The following TARS3 variants were observed in gnomAD, a reference collection of about 807,000 sequenced individuals.
The protein encoded by TARS3 is threonyl-tRNA synthetase 3.
In TARS3, 94 loss-of-function variants were observed where a neutral mutation model predicts 103.5. That is an observed-to-expected ratio of 0.91 (90% CI 0.77 to 1.08). TARS3 has a LOEUF of 1.08. Among genes scored for constraint, TARS3 ranks in the 50% least tolerant of loss-of-function variants. TARS3 has a pLI of 0.00. For synonymous variants in TARS3, 416 were observed against 355.4 expected (o/e 1.17, Z -1.92); for missense variants, 952 against 995.2 (o/e 0.96, Z 0.58).
At chr15:101,661,880 A>G in intron 15 of TARS3, 64 bp from the exon 16 acceptor site, 1 of 1,017,802 alleles carries the variant, frequency 9.8e-7, no homozygotes, top group Non-Finnish European at 1.4e-6. Flanking sequence ...TTCTAGCCTT[A>G]TATTTAATTT....
chr15:101,678,091 T>C (rs2141399129), intron 12 of TARS3, among the ~76,000 whole-genome samples: 1 of 151,356 alleles, frequency 6.6e-6, no homozygotes, highest in East Asian at 2.0e-4. Flanking sequence ...AGCGATTCTC[T>C]TGCCTCAGCA....
intron 18 of TARS3, 43 bp downstream of exon 18, chr15:101,656,879 G>GGA (rs1299354403): frequency 3.2e-6 from 4 of 1,255,878 alleles, no homozygotes; most frequent in Non-Finnish European, 4.5e-6. Context: ...AATTGAAGTG[G>GGA]GAAAAAAAAG....
At chr15:101,654,849 A>C in intron 18 of TARS3, 119 bp from the exon 19 acceptor site, 1 of 946,248 alleles carries the variant, frequency 1.1e-6, no homozygotes, top group African/African-American at 1.7e-5. Context: ...ATATCATCTA[A>C]TGAGCATTTG....
At chr15:101,678,973 C>T (rs1182964823) in intron 12 of TARS3, among the ~76,000 whole-genome samples, 1 of 152,050 alleles carries the variant, frequency 6.6e-6, no homozygotes, top group Non-Finnish European at 1.5e-5. Flanking sequence ...TCCTTCTGGC[C>T]TCCAGGATTT....
At chr15:101,676,802 C>CTTT (rs76822080) in intron 12 of TARS3, among the ~76,000 whole-genome samples, 3 of 143,478 alleles carry the variant, frequency 2.1e-5, no homozygotes, top group Admixed American at 7.0e-5. Context: ...CCACTACACC[C>CTTT]TTTTTTTTTT....
At chr15:101,688,318 AAT>A (rs1385546064) in intron 10 of TARS3, among the ~76,000 whole-genome samples, 82 of 152,284 alleles carry the variant, frequency 5.4e-4, no homozygotes, top group African/African-American at 1.9e-3. Context: ...TGGGGAGTAA[AAT>A]ATGTCTCATG....
At chr15:101,699,618 T>C (rs1204057879) in intron 10 of TARS3, among the ~76,000 whole-genome samples, 1 of 152,236 alleles carries the variant, frequency 6.6e-6, no homozygotes, top group Non-Finnish European at 1.5e-5. Context: ...AAATCTCTGA[T>C]AATCTTCAGT....
intron 4 of TARS3, among the ~76,000 whole-genome samples, chr15:101,713,069 T>C (rs1899943313): frequency 6.6e-6 from 1 of 152,212 alleles, no homozygotes; most frequent in East Asian, 1.9e-4. Flanking sequence ...GTGCTGGGTA[T>C]ACAATAGTGA....
chr15:101,724,350 G>C lies in TARS3; in HGVS notation c.38C>G (p.Ser13Trp). The change falls in exon 1 of 19, where the codon TCG (serine) becomes TGG (tryptophan). Residue 13 changes from serine to tryptophan, a missense_variant. Ser to Trp is a radical substitution (Grantham distance 177). This residue lies in a region of TARS3 where 412 missense variants were observed against 364.2 expected (regional missense o/e 1.13). Coordinates refer to ENST00000335968, the MANE Select transcript of TARS3 (RefSeq NM_152334.3). Reference protein sequence around the residue: ...AEALAAEAVASRLERQEEDIR... With the variant: ...AEALAAEAVAWRLERQEEDIR... ...GTCCTCCTCCTGCCGCTCCAGGCGC[G>C]ACGCCACGGCCTCCGCCGCCAGGGC... 6.4e-7 allele frequency: 1 copy of C among 1,550,984 alleles called. No homozygotes were observed. Among genetic ancestry groups the C allele is most frequent in the Non-Finnish European group, 8.7e-7 (1 of 1,155,364 alleles).
chr15:101,675,583 C>T lies in TARS3; in HGVS notation c.1788+17G>A. ...ATACGACTAAAATGAAGAGGAAGCA[C>T]AAGGTGTGTCTCTTACCTTCTCAGC... is the stretch of plus-strand genomic sequence containing the variant. On this transcript the variant is annotated intron_variant, in intron 13 of 18. Transcript: ENST00000335968. 2 of 1,606,248 alleles carry T rather than the reference C, an allele frequency of 1.2e-6. No individual in the cohort carries two copies. Among genetic ancestry groups the T allele is most frequent in the South Asian group, 1.1e-5 (1 of 89,108 alleles).
chr15:101,685,875 T>C (rs753054447), intron 11 of TARS3, 21 bp downstream of exon 11: 2 of 1,603,082 alleles, frequency 1.2e-6, no homozygotes, highest in African/African-American at 2.7e-5. Context: ...TGAAAAGGTC[T>C]GCTTCGCTTT....
At chr15:101,720,207 G>A (rs1900377772) in intron 3 of TARS3, among the ~76,000 whole-genome samples, 1 of 152,192 alleles carries the variant, frequency 6.6e-6, no homozygotes, top group Non-Finnish European at 1.5e-5. Flanking sequence ...GAGAATTTCA[G>A]TTGTTGAAAC....
intron 2 of TARS3, among the ~76,000 whole-genome samples, chr15:101,722,642 TAAAAA>T (rs35018220): frequency 5.1e-5 from 3 of 58,754 alleles, no homozygotes; most frequent in African/African-American, 1.6e-4. Flanking sequence ...CCATCTCTAC[TAAAAA>T]AAAAAAAAAA....
intron 10 of TARS3, among the ~76,000 whole-genome samples, chr15:101,697,596 C>T (rs557054861): frequency 4.6e-5 from 7 of 152,232 alleles, no homozygotes; most frequent in Non-Finnish European, 8.8e-5. Context: ...CCTTCTTATC[C>T]TTAGACTGTA....
rs187770485 is a variant in TARS3 at position 101,678,537 on chromosome 15, A to G, written c.1651-2800T>C. Among the ~76,000 whole-genome samples, 129 of 151,516 alleles carry G rather than the reference A, an allele frequency of 8.5e-4. 1 individual carries two copies. The highest frequency in any genetic ancestry group is 1.4e-3 in the Non-Finnish European group (93 of 67,930). On this transcript the variant is annotated intron_variant, in intron 12 of 18. Transcript: ENST00000335968. ...TTTTATTGGTTTCTCTAGGTATTATATAACTTATCAGTCCAGATATTGTCA... is the reference window on the plus strand; with the variant it reads ...TTTTATTGGTTTCTCTAGGTATTATGTAACTTATCAGTCCAGATATTGTCA...
intron 15 of TARS3, among the ~76,000 whole-genome samples, chr15:101,665,390 G>T (rs2141384973): frequency 6.6e-6 from 1 of 152,206 alleles, no homozygotes; most frequent in Middle Eastern, 3.4e-3. Context: ...TACTTTGCAA[G>T]AAAATAAATT....
intron 11 of TARS3, among the ~76,000 whole-genome samples, chr15:101,685,580 G>A (rs1898434622): frequency 6.6e-6 from 1 of 152,026 alleles, no homozygotes; most frequent in Non-Finnish European, 1.5e-5. Context: ...TAAATATTCT[G>A]CAAATATGAA....
At chr15:101,709,843 G>T (rs1469128128) in intron 5 of TARS3, among the ~76,000 whole-genome samples, 1 of 152,248 alleles carries the variant, frequency 6.6e-6, no homozygotes, top group Non-Finnish European at 1.5e-5. Context: ...GATACAGTAA[G>T]AAACACAAAT....
intron 10 of TARS3, among the ~76,000 whole-genome samples, chr15:101,696,876 G>C (rs190438782): frequency 3.3e-5 from 5 of 152,296 alleles, no homozygotes; most frequent in Admixed American, 3.3e-4. Context: ...ACCATGCACT[G>C]GTTCTGGTTG....
Sources: allele counts gnomAD v4.1 joint callset (sites outside exome capture counted in the v4.1 genomes callset), GRCh38; gene constraint gnomAD v4.1.1; regional missense constraint gnomAD v4.1.1; transcripts MANE v1.5; gene names NCBI Gene and HGNC (gene_info 2026-07-23, HGNC 2026-07-21).